The following ADCY10 variants were observed in gnomAD, a reference collection of about 807,000 sequenced individuals.
ADCY10 encodes the protein adenylate cyclase type 10.
In ADCY10, 156 loss-of-function variants were observed where a neutral mutation model predicts 183.3. The observed-to-expected ratio is 0.85, with a 90% confidence interval of 0.75 to 0.97. The LOEUF (loss-of-function observed/expected upper bound fraction) is 0.97. Ranked by LOEUF, ADCY10 falls within the 50% of genes least tolerant of loss-of-function variation. The pLI, the probability that ADCY10 is intolerant of heterozygous loss-of-function variation, is 0.00. For missense variants in ADCY10, 1,745 were observed against 1,934.3 expected, an observed-to-expected ratio of 0.90 and a Z score of 1.84; for synonymous variants, 645 against 670.0, an observed-to-expected ratio of 0.96 and a Z score of 0.58.
At chr1:167,886,116 T>C (rs1335190948) in intron 8 of ADCY10, among the ~76,000 whole-genome samples, 1 of 152,112 alleles carries the variant, frequency 6.6e-6, no homozygotes, top group Non-Finnish European at 1.5e-5. Flanking sequence ...AAAATGGCCA[T>C]ACTGCTCAAG....
intron 14 of ADCY10, among the ~76,000 whole-genome samples, chr1:167,868,184 G>T (rs1666837845): frequency 6.6e-6 from 1 of 152,084 alleles, no homozygotes; most frequent in South Asian, 2.1e-4. Context: ...TTTGCAATTA[G>T]CCGAGCATGT....
At chr1:167,819,480 C>T (rs1662743429) in intron 30 of ADCY10, among the ~76,000 whole-genome samples, 1 of 152,136 alleles carries the variant, frequency 6.6e-6, no homozygotes, top group South Asian at 2.1e-4. Context: ...CTCAGGTGAT[C>T]CACCCACCTC....
Position 167,836,453 on chromosome 1 carries a change from C to T in ADCY10, c.3165G>A (p.Leu1055=), listed in dbSNP as rs1417309902. The T allele has an allele frequency of 5.0e-6, 8 of 1,613,974 alleles. No individual in the cohort carries two copies. In the Admixed American group the frequency reaches 1.3e-4, roughly 27 times the overall value. ...GGATTTCTTCACACTGGCAAGATTCCAGAGGGATAATGTCTTCGTCAGATG... is the reference window on the plus strand; with the variant it reads ...GGATTTCTTCACACTGGCAAGATTCTAGAGGGATAATGTCTTCGTCAGATG... ...MKTSDEDIIP[L]ESCQCEEILE... The change falls in exon 23 of 33, where the codon CTG becomes CTA. Residue 1055 remains leucine, a synonymous_variant. Coordinates refer to ENST00000367851, the MANE Select transcript of ADCY10 (RefSeq NM_018417.6).
chr1:167,856,553 G>A (rs536135643), intron 16 of ADCY10, 114 bp from the exon 17 acceptor site: 28 of 1,012,386 alleles, frequency 2.8e-5, no homozygotes, highest in South Asian at 9.5e-5. Flanking sequence ...ATGATGCAGC[G>A]AAAGAACTAA....
intron 14 of ADCY10, among the ~76,000 whole-genome samples, chr1:167,864,179 C>T (rs766545857): frequency 2.8e-4 from 43 of 152,144 alleles, no homozygotes; most frequent in African/African-American, 5.6e-4. Context: ...AAAGTGTGTG[C>T]GTGCCCTTTT....
Position 167,834,205 on chromosome 1 carries a change from T to C in ADCY10, c.3310-128A>G. 4 of 728,738 alleles carry C rather than the reference T, an allele frequency of 5.5e-6. No individual in the cohort carries two copies. In the Admixed American group the frequency reaches 8.1e-5, roughly 15 times the overall value. 45.1% of individuals were successfully genotyped at this position (728,738 alleles called of 1,614,324 possible). A position where few individuals can be genotyped will look rare whatever the true frequency, so the allele number is the denominator to read the frequency against. On this transcript the variant is annotated intron_variant, in intron 23 of 32. Coordinates refer to ENST00000367851, the MANE Select transcript of ADCY10 (RefSeq NM_018417.6). Reference sequence around the variant, plus strand: ...ATTTCAGTTACCACCTCCACTTCCATCCCCAGCTCCACTGATTAAAATGGG... The same window carrying C: ...ATTTCAGTTACCACCTCCACTTCCACCCCCAGCTCCACTGATTAAAATGGG...
At chr1:167,824,619 C>T (rs1571224847) in intron 27 of ADCY10, 32 bp downstream of exon 27, 2 of 1,613,838 alleles carry the variant, frequency 1.2e-6, no homozygotes. Context: ...TCCTTGTATC[C>T]TCATGTCCCA....
intron 21 of ADCY10, among the ~76,000 whole-genome samples, chr1:167,840,814 G>A (rs577822510): frequency 6.6e-6 from 1 of 152,130 alleles, no homozygotes; most frequent in South Asian, 2.1e-4. Context: ...GATATCACCT[G>A]CCCACCTTAT....
intron 31 of ADCY10, among the ~76,000 whole-genome samples, chr1:167,817,709 A>G (rs1173719081): frequency 6.6e-6 from 1 of 152,252 alleles, no homozygotes; most frequent in Non-Finnish European, 1.5e-5. Context: ...TAATTAGGCC[A>G]TACAATCATA....
chr1:167,842,472 C>G lies in ADCY10; in HGVS notation c.3007+3091G>C, dbSNP rs368140431. 1.6e-4 allele frequency among the ~76,000 whole-genome samples: 25 copies of G among 152,080 alleles called. 1 individual carries two copies. In the East Asian group the frequency reaches 3.5e-3, roughly 21 times the overall value. ...CACCACACTTGGTCCCAATTATGTC[C>G]TTGACCAGTATTGCCTAAAGGTTAT... On this transcript the variant is annotated intron_variant, in intron 21 of 32. Transcript: ENST00000367851.
chr1:167,834,602 C>A, intron 23 of ADCY10: 1 of 203,570 alleles, frequency 4.9e-6, no homozygotes, highest in Non-Finnish European at 1.0e-5. Context: ...CTCCCAACAT[C>A]ATTAGGCAAA....
chr1:167,894,165 A>C (rs995571411), intron 7 of ADCY10, among the ~76,000 whole-genome samples: 19 of 152,172 alleles, frequency 1.2e-4, no homozygotes, highest in African/African-American at 4.1e-4. Flanking sequence ...TGTAGCTCAA[A>C]ACCTTGTTCA....
intron 31 of ADCY10, among the ~76,000 whole-genome samples, chr1:167,816,707 C>T (rs1472275663): frequency 6.6e-6 from 1 of 152,138 alleles, no homozygotes; most frequent in Non-Finnish European, 1.5e-5. Flanking sequence ...GAATTCTTTA[C>T]CCAGTGAAAT....
rs1236600171 is a variant in ADCY10 at position 167,822,046 on chromosome 1, G to T, written c.4264C>A (p.Leu1422Ile). 6.3e-7 allele frequency: 1 copy of T among 1,593,304 alleles called. No individual in the cohort carries two copies. The highest frequency in any genetic ancestry group is 1.1e-5 in the South Asian group (1 of 90,638). Residue 1422 changes from leucine to isoleucine, a missense_variant, in exon 30 of 33, where the codon CTT becomes ATT. Coordinates refer to ENST00000367851, the MANE Select transcript of ADCY10 (RefSeq NM_018417.6). ...LKFHSGLLLG[L>I]YSSVAIWYAR... ...TACCAGATAGCTACAGAGGAATAAAGTCCCAGGAGGAGTCCACTGTGGAAC... is the reference window on the plus strand; with the variant it reads ...TACCAGATAGCTACAGAGGAATAAATTCCCAGGAGGAGTCCACTGTGGAAC...
At chr1:167,842,959 A>C (rs1664762734) in intron 21 of ADCY10, among the ~76,000 whole-genome samples, 2 of 152,206 alleles carry the variant, frequency 1.3e-5, no homozygotes, top group African/African-American at 4.8e-5. Context: ...ACGGTCGGCC[A>C]TGGGATTACT....
chr1:167,856,536 T>C, intron 16 of ADCY10, 97 bp from the exon 17 acceptor site: 1 of 1,279,824 alleles, frequency 7.8e-7, no homozygotes. Context: ...AGCTTCCTGG[T>C]TTGCTTATGA....
At chr1:167,911,242 A>C (rs1025634264) in intron 1 of ADCY10, among the ~76,000 whole-genome samples, 4 of 152,202 alleles carry the variant, frequency 2.6e-5, no homozygotes, top group African/African-American at 9.7e-5. Context: ...CTCTTCAAAG[A>C]CTTTCCTCCC....
chr1:167,882,484 C>CAAAAAAAAA (rs71100909), intron 9 of ADCY10, among the ~76,000 whole-genome samples: 7 of 71,124 alleles, frequency 9.8e-5, no homozygotes, highest in Admixed American at 1.6e-4. Context: ...GATTCCGTCT[C>CAAAAAAAAA]AAAAAAAAAA....
rs1030217853 is a variant in ADCY10, at chr1:167,863,349, C to T, written c.1617-2286G>A. On this transcript the variant is annotated intron_variant, in intron 14 of 32. Coordinates refer to ENST00000367851, the MANE Select transcript of ADCY10 (RefSeq NM_018417.6). ...TTCTGTTCTGTTTCACTGTGACCAC[C>T]GGTGCTCACAGCCCCTGTCACGTAC... Among the ~76,000 whole-genome samples the T allele has an allele frequency of 3.3e-5, 5 of 152,126 alleles. No homozygotes were observed. The South Asian group carries it at 6.2e-4, about 19-fold the overall frequency.
Sources: allele counts gnomAD v4.1 joint callset (sites outside exome capture counted in the v4.1 genomes callset), GRCh38; gene constraint gnomAD v4.1.1; transcripts MANE v1.5; gene names NCBI Gene and HGNC (gene_info 2026-07-23, HGNC 2026-07-21).